The following PTPRD variants were observed in gnomAD, a reference collection of about 807,000 sequenced individuals.
PTPRD encodes protein tyrosine phosphatase receptor type D.
Under a neutral mutation model 214.5 loss-of-function variants are expected in PTPRD, and 34 were observed. That is an observed-to-expected ratio of 0.16 (90% confidence interval 0.12 to 0.21). PTPRD has a LOEUF of 0.21. Among genes scored for constraint, PTPRD ranks in the 10% least tolerant of loss-of-function variants. The pLI is 1.00. For missense variants in PTPRD, 2,545 were observed against 2,398.7 expected, an observed-to-expected ratio of 1.06 and a Z score of -1.27; for synonymous variants, 1,128 against 845.7, an observed-to-expected ratio of 1.33 and a Z score of -5.79.
At chr9:9,625,108 C>G (rs1245256125) in intron 7 of PTPRD, among the ~76,000 whole-genome samples, 3 of 152,158 alleles carry the variant, frequency 2.0e-5, no homozygotes, top group Non-Finnish European at 4.4e-5. Context: ...AGTCACCAAG[C>G]CATTAAAGTC....
intron 11 of PTPRD, among the ~76,000 whole-genome samples, chr9:8,977,574 G>A (rs1589202167): frequency 6.6e-6 from 1 of 151,596 alleles, no homozygotes; most frequent in African/African-American, 2.4e-5. Context: ...TTGAACCCTC[G>A]AGGTTTTGTT....
chr9:10,510,761 TG>T (rs1410814217), intron 2 of PTPRD, among the ~76,000 whole-genome samples: 5 of 152,166 alleles, frequency 3.3e-5, no homozygotes, highest in African/African-American at 1.2e-4. Context: ...AGTAAATTAT[TG>T]TTAACTATAG....
chr9:9,190,612 A>C (rs893738248), intron 9 of PTPRD, among the ~76,000 whole-genome samples: 9 of 152,008 alleles, frequency 5.9e-5, no homozygotes, highest in Admixed American at 2.0e-4. Context: ...CCATGTGATG[A>C]CATAGCACAA....
chr9:9,598,800 T>G (rs777683941), intron 7 of PTPRD, among the ~76,000 whole-genome samples: 3 of 151,980 alleles, frequency 2.0e-5, no homozygotes, highest in African/African-American at 7.2e-5. Context: ...TATAAGAAAG[T>G]GATTTGTAAG....
Position 9,290,508 on chromosome 9 carries a change from T to C in PTPRD, c.-203+106941A>G, listed in dbSNP as rs559478655. Among the ~76,000 whole-genome samples, 3 of 151,686 alleles carry C rather than the reference T, an allele frequency of 2.0e-5. No individual in the cohort carries two copies. The South Asian group carries it at 6.2e-4, about 31-fold the overall frequency. On this transcript the variant is annotated intron_variant, in intron 9 of 45. Transcript: ENST00000381196. ...TGAAAAACAATGTCAAGGAGTTTTT[T>C]CCCTATTTTCTTCTAGGAGTTTTAG...
chr9:9,651,575 GTTCT>G (rs2096351576), intron 7 of PTPRD, among the ~76,000 whole-genome samples: 1 of 152,042 alleles, frequency 6.6e-6, no homozygotes, highest in South Asian at 2.1e-4. Context: ...ACATGATTGT[GTTCT>G]TTATTATGGC....
Position 9,264,469 on chromosome 9 carries a change from T to C in PTPRD, c.-202-81106A>G, listed in dbSNP as rs1354604351. Among the ~76,000 whole-genome samples, 11 of 151,374 alleles carry C rather than the reference T, an allele frequency of 7.3e-5. 1 individual carries two copies. The highest frequency in any genetic ancestry group is 1.2e-4 in the Non-Finnish European group (8 of 67,724). The stretch of plus-strand genomic sequence containing the variant: ...TGTGAAATCACTGGTCATTTGAAAA[T>C]ATTCAGTAAGAGGAGAAAATATTTT... On this transcript the variant is annotated intron_variant, in intron 9 of 45. Transcript: ENST00000381196.
At chr9:9,418,544 C>A (rs1408919501) in intron 8 of PTPRD, among the ~76,000 whole-genome samples, 1 of 151,964 alleles carries the variant, frequency 6.6e-6, no homozygotes, top group Middle Eastern at 3.2e-3. Flanking sequence ...CTTTTGAAAG[C>A]GACCTAGCTA....
At chr9:9,083,949 TTGG>T (rs1183455936) in intron 10 of PTPRD, among the ~76,000 whole-genome samples, 1 of 152,124 alleles carries the variant, frequency 6.6e-6, no homozygotes, top group African/African-American at 2.4e-5. Context: ...TTTTACACTG[TTGG>T]TGGGAGTGTA....
chr9:10,398,267 G>A lies in PTPRD; in HGVS notation c.-599-57250C>T, dbSNP rs577070052. On this transcript the variant is annotated intron_variant, in intron 2 of 45. Transcript: ENST00000381196. ...ATGGCGGTATATGCCTACAATCCCA[G>A]CTACTCGGAACCTGAATTGGGAAAA... 2.6e-5 allele frequency among the ~76,000 whole-genome samples: 4 copies of A among 151,666 alleles called. No homozygotes were observed. In the East Asian group the frequency reaches 7.9e-4, roughly 30 times the overall value.
In PTPRD at chr9:8,690,076, T is replaced by A. The variant is rs375279523; in HGVS notation, c.64+43704A>T. Among the ~76,000 whole-genome samples, 31 of 147,706 alleles carry A rather than the reference T, an allele frequency of 2.1e-4. 1 individual carries two copies. The South Asian group carries it at 6.7e-3, about 32-fold the overall frequency. ...TAAGCCAAGATTGTACCACTACACTTCAGCCTAGGAGTTACAGCGAGACTC... is the reference window on the plus strand; with the variant it reads ...TAAGCCAAGATTGTACCACTACACTACAGCCTAGGAGTTACAGCGAGACTC... On this transcript the variant is annotated intron_variant, in intron 12 of 45. Transcript: ENST00000381196.
chr9:9,001,057 C>A (rs2099416245), intron 11 of PTPRD, among the ~76,000 whole-genome samples: 1 of 151,960 alleles, frequency 6.6e-6, no homozygotes. Context: ...TTTGCTAATA[C>A]TCTCTCAAAT....
intron 5 of PTPRD, among the ~76,000 whole-genome samples, chr9:9,927,148 G>T (rs902361754): frequency 1.3e-5 from 2 of 152,066 alleles, no homozygotes; most frequent in Admixed American, 1.3e-4. Flanking sequence ...AAAATATTGA[G>T]TATTTCTATA....
In PTPRD at chr9:9,193,352, G is replaced by A. The variant is rs2099936394; in HGVS notation, c.-202-9989C>T. Among the ~76,000 whole-genome samples the A allele has an allele frequency of 2.0e-5, 3 of 152,042 alleles. No individual in the cohort carries two copies. In the South Asian group the frequency reaches 6.2e-4, roughly 31 times the overall value. Reference sequence around the variant, plus strand: ...TTATGCTATTTGAAGCCTATTTTAAGGGGGCAAATACAACATATAATCTTC... The same window carrying A: ...TTATGCTATTTGAAGCCTATTTTAAAGGGGCAAATACAACATATAATCTTC... On this transcript the variant is annotated intron_variant, in intron 9 of 45. Transcript: ENST00000381196.
At position 8,844,008 on chromosome 9, in the gene PTPRD, G is replaced by A. The variant is rs547990910; in HGVS notation, c.-103-110062C>T. ...AAAAATGGTCATCACCCATGATGAA[G>A]AAGCCAGCATGGCACATTTTACAAG... On this transcript the variant is annotated intron_variant, in intron 11 of 45. Transcript: ENST00000381196. Among the ~76,000 whole-genome samples the A allele has an allele frequency of 2.1e-4, 32 of 152,262 alleles. No homozygotes were observed. The South Asian group carries it at 6.2e-3, about 30-fold the overall frequency.
At chr9:8,669,765 G>A (rs1373110542) in intron 12 of PTPRD, among the ~76,000 whole-genome samples, 5 of 152,168 alleles carry the variant, frequency 3.3e-5, no homozygotes, top group African/African-American at 4.8e-5. Context: ...TGGGTCACCT[G>A]GAATGCCAGT....
At chr9:10,472,876 G>A (rs985737801) in intron 2 of PTPRD, among the ~76,000 whole-genome samples, 1 of 151,306 alleles carries the variant, frequency 6.6e-6, no homozygotes, top group African/African-American at 2.4e-5. Context: ...AAAGGGACAA[G>A]GAGAAAAATT....
Position 8,972,152 on chromosome 9 carries a change from C to T in PTPRD, c.-104+46545G>A, listed in dbSNP as rs113916625. On this transcript the variant is annotated intron_variant, in intron 11 of 45. Transcript: ENST00000381196. ...TGACCAACTAACCTCACATATGCAT[C>T]TATGATATTATACCTTACCATATGC... Among the ~76,000 whole-genome samples the T allele has an allele frequency of 7.5e-3, 1,138 of 151,910 alleles. 16 individuals are homozygous for T. Among genetic ancestry groups the T allele is most frequent in the African/African-American group, 0.025 (1,045 of 41,502 alleles).
At chr9:8,447,225 T>G (rs2095765995) in intron 34 of PTPRD, among the ~76,000 whole-genome samples, 1 of 152,110 alleles carries the variant, frequency 6.6e-6, no homozygotes, top group Non-Finnish European at 1.5e-5. Flanking sequence ...CTTATCTCAT[T>G]TTGTCTACTA....
Sources: allele counts gnomAD v4.1 joint callset (sites outside exome capture counted in the v4.1 genomes callset), GRCh38; gene constraint gnomAD v4.1.1; transcripts MANE v1.5; gene names NCBI Gene and HGNC (gene_info 2026-07-23, HGNC 2026-07-21).